Variants in LTBP1 observed in about 807,000 individuals in gnomAD.
LTBP1 encodes latent-transforming growth factor beta-binding protein 1.
A neutral mutation model predicts 207.6 loss-of-function variants in LTBP1; 129 were observed. The ratio of observed to expected loss-of-function variants is 0.62; its 90% CI spans 0.54 to 0.72. The LOEUF (loss-of-function observed/expected upper bound fraction) is 0.72, where lower values mean the gene tolerates loss of function less well. Among genes scored for constraint, LTBP1 ranks in the 30% least tolerant of loss-of-function variants. The pLI, the probability that LTBP1 is intolerant of heterozygous loss-of-function variation, is 0.00. For missense variants in LTBP1, 2,281 were observed against 2,217.2 expected (o/e 1.03, Z -0.58); for synonymous variants, 963 against 833.7 (o/e 1.16, Z -2.67).
At chr2:33,056,425 T>TG (rs1456457887) in intron 3 of LTBP1, 5 of 1,027,158 alleles carry the variant, frequency 4.9e-6, no homozygotes, top group South Asian at 2.6e-5. Context: ...ATGGTGACTT[T>TG]GCCCAGCAGC....
chr2:32,986,097 C>T (rs974964021), intron 2 of LTBP1, among the ~76,000 whole-genome samples: 2 of 152,128 alleles, frequency 1.3e-5, no homozygotes, highest in Non-Finnish European at 2.9e-5. Flanking sequence ...AATGAATGAA[C>T]AAATAAATCT....
intron 5 of LTBP1, among the ~76,000 whole-genome samples, chr2:33,168,556 C>T (rs541628287): frequency 6.6e-6 from 1 of 152,044 alleles, no homozygotes; most frequent in East Asian, 1.9e-4. Context: ...CATTTGAAAC[C>T]AATCAGTATT....
intron 8 of LTBP1, 134 bp from the exon 9 acceptor site, chr2:33,221,946 C>T (rs896276909): frequency 1.7e-6 from 1 of 576,924 alleles, no homozygotes; most frequent in Non-Finnish European, 3.2e-6. Flanking sequence ...TGGAGATATA[C>T]ATTGGTATTG....
chr2:33,158,923 G>C (rs761499213), intron 5 of LTBP1, among the ~76,000 whole-genome samples: 17 of 152,196 alleles, frequency 1.1e-4, no homozygotes, highest in Non-Finnish European at 7.3e-5. Flanking sequence ...CTGTGATACT[G>C]TTGACACATT....
intron 2 of LTBP1, among the ~76,000 whole-genome samples, chr2:32,953,876 C>T (rs180897070): frequency 1.3e-5 from 2 of 152,278 alleles, no homozygotes; most frequent in African/African-American, 2.4e-5. Context: ...CTTCCCAGTC[C>T]TTCCTAGCAA....
chr2:33,319,207 G>A (rs1032908702), intron 24 of LTBP1, among the ~76,000 whole-genome samples: 11 of 152,128 alleles, frequency 7.2e-5, no homozygotes, highest in African/African-American at 2.7e-4. Flanking sequence ...AGACCAGCCT[G>A]GCCAACATGG....
At chr2:33,034,608 T>A (rs1018543038) in intron 3 of LTBP1, among the ~76,000 whole-genome samples, 2 of 152,220 alleles carry the variant, frequency 1.3e-5, no homozygotes, top group African/African-American at 4.8e-5. Flanking sequence ...CTGGTCTGGA[T>A]ACTATAATGA....
At chr2:33,025,640 T>C (rs2075379945) in intron 3 of LTBP1, among the ~76,000 whole-genome samples, 1 of 152,218 alleles carries the variant, frequency 6.6e-6, no homozygotes, top group Non-Finnish European at 1.5e-5. Context: ...GAATGATTGT[T>C]GATTTTGGGA....
chr2:32,993,915 A>G (rs907104827), intron 2 of LTBP1, among the ~76,000 whole-genome samples: 1 of 150,370 alleles, frequency 6.7e-6, no homozygotes, highest in Non-Finnish European at 1.5e-5. Context: ...CCAGGCCGGG[A>G]CCTCTGGGCT....
intron 5 of LTBP1, among the ~76,000 whole-genome samples, chr2:33,138,743 T>C (rs1013616547): frequency 7.9e-5 from 12 of 152,146 alleles, no homozygotes; most frequent in Non-Finnish European, 1.3e-4. Context: ...GCAGTCATGA[T>C]GGTCAAAATA....
intron 7 of LTBP1, among the ~76,000 whole-genome samples, chr2:33,211,122 G>A (rs1384245259): frequency 1.3e-5 from 2 of 152,156 alleles, no homozygotes; most frequent in African/African-American, 4.8e-5. Context: ...ATTAATAAGA[G>A]TATTTCAGTT....
chr2:33,062,721 C>T (rs779468706), intron 3 of LTBP1, among the ~76,000 whole-genome samples: 2 of 152,090 alleles, frequency 1.3e-5, no homozygotes, highest in Non-Finnish European at 2.9e-5. Flanking sequence ...TCCAAGACCC[C>T]CAATGGATGC....
rs190416591 is a variant in LTBP1 at position 33,334,692 on chromosome 2, A to G, written c.3731-8146A>G. Among the ~76,000 whole-genome samples the G allele has an allele frequency of 2.7e-4, 41 of 152,270 alleles. No homozygotes were observed. The East Asian group carries it at 7.3e-3, about 27-fold the overall frequency. ...TGTAGATGGTGAATACCTGTTGTCTACATAGTGGTTGACAAAAATGGAGCA... is the reference window on the plus strand; with the variant it reads ...TGTAGATGGTGAATACCTGTTGTCTGCATAGTGGTTGACAAAAATGGAGCA... On this transcript the variant is annotated intron_variant, in intron 24 of 33. Transcript: ENST00000404816.
intron 6 of LTBP1, among the ~76,000 whole-genome samples, chr2:33,188,313 C>T (rs895127137): frequency 1.3e-5 from 2 of 148,728 alleles, no homozygotes; most frequent in African/African-American, 2.5e-5. Context: ...CCCAGGTACT[C>T]GGGAGGCTGA....
At chr2:33,078,170 G>A (rs997948417) in intron 3 of LTBP1, among the ~76,000 whole-genome samples, 3 of 152,206 alleles carry the variant, frequency 2.0e-5, no homozygotes, top group Non-Finnish European at 4.4e-5. Flanking sequence ...GATAACTGCT[G>A]TTGTAACAGC....
chr2:33,265,754 T>C (rs899988010), intron 15 of LTBP1, among the ~76,000 whole-genome samples: 1 of 152,194 alleles, frequency 6.6e-6, no homozygotes, highest in Non-Finnish European at 1.5e-5. Context: ...TTATTTTCCA[T>C]ATTTTCTAAA....
chr2:33,030,723 T>C (rs1446902694), intron 3 of LTBP1, among the ~76,000 whole-genome samples: 2 of 152,242 alleles, frequency 1.3e-5, no homozygotes, highest in African/African-American at 4.8e-5. Context: ...ATTATGTTTA[T>C]TAGATTATTT....
intron 5 of LTBP1, among the ~76,000 whole-genome samples, chr2:33,153,971 G>A (rs543135142): frequency 2.0e-5 from 3 of 152,326 alleles, no homozygotes; most frequent in East Asian, 1.9e-4. Flanking sequence ...GTCCCTGAAG[G>A]TGGTTTATGT....
intron 19 of LTBP1, among the ~76,000 whole-genome samples, chr2:33,284,041 C>A (rs968361371): frequency 6.6e-6 from 1 of 152,178 alleles, no homozygotes; most frequent in African/African-American, 2.4e-5. Flanking sequence ...TTAAGCATTG[C>A]TATTCAACCC....
Sources: gnomAD v4.1 joint callset for allele counts (sites outside exome capture counted in the v4.1 genomes callset) on GRCh38, gnomAD v4.1.1 for gene constraint, MANE v1.5 for transcripts, NCBI Gene and HGNC (gene_info 2026-07-23, HGNC 2026-07-21) for gene names.